The following SEMA6D variants were observed in gnomAD, a reference collection of about 807,000 sequenced individuals.
SEMA6D encodes the protein semaphorin 6D.
In SEMA6D, 35 loss-of-function variants were observed where a neutral mutation model predicts 106.6. That is an observed-to-expected ratio of 0.33 (90% CI 0.25 to 0.44). SEMA6D has a LOEUF of 0.44. Among genes scored for constraint, SEMA6D ranks in the 20% least tolerant of loss-of-function variants. The pLI is 1.00. For synonymous variants in SEMA6D, 499 were observed against 487.7 expected, an observed-to-expected ratio of 1.02 and a Z score of -0.31; for missense variants, 1,185 against 1,345.9, an observed-to-expected ratio of 0.88 and a Z score of 1.87.
At position 47,598,217 on chromosome 15, in the gene SEMA6D, A is replaced by C. The variant is rs751970182; in HGVS notation, c.-86-2648A>C. On this transcript the variant is annotated intron_variant, in intron 3 of 19. Coordinates refer to the SEMA6D transcript ENST00000558014. Reference sequence around the variant, plus strand: ...AACTGTATGTCTATTGGAAAAGGCCATTCCACACTCAAGGACTTCATGTCA... The same window carrying C: ...AACTGTATGTCTATTGGAAAAGGCCCTTCCACACTCAAGGACTTCATGTCA... Among the ~76,000 whole-genome samples, 34 of 152,098 alleles carry C rather than the reference A, an allele frequency of 2.2e-4. 1 individual carries two copies. Among genetic ancestry groups the C allele is most frequent in the Non-Finnish European group, 3.8e-4 (26 of 67,974 alleles).
Position 47,195,143 on chromosome 15 carries a change from T to C in SEMA6D, c.-239+10725T>C, listed in dbSNP as rs138108077. Among the ~76,000 whole-genome samples the C allele has an allele frequency of 9.3e-4, 142 of 152,302 alleles. 2 individuals are homozygous for C. Among genetic ancestry groups the C allele is most frequent in the African/African-American group, 3.2e-3 (131 of 41,548 alleles). On this transcript the variant is annotated intron_variant, in intron 1 of 19. Transcript: ENST00000558014. ...TTTAATATTCTAGAAACAAATGGCA[T>C]TTTTACTTTCCCTTGAGTGTTAAGT... is the stretch of plus-strand genomic sequence containing the variant.
intron 1 of SEMA6D, among the ~76,000 whole-genome samples, chr15:47,409,930 T>C (rs2433020): frequency 0.56 from 84,839 of 151,666 alleles, 24,012 homozygotes; most frequent in Middle Eastern, 0.69. Context: ...TCTTAGATTT[T>C]AGGCTAAAAG....
chr15:47,246,034 A>G (rs976896094), intron 1 of SEMA6D, among the ~76,000 whole-genome samples: 21 of 152,138 alleles, frequency 1.4e-4, no homozygotes, highest in African/African-American at 4.8e-4. Flanking sequence ...TTTCGGATAT[A>G]TGCTCCTCTC....
chr15:47,349,601 T>C (rs2038228800), intron 1 of SEMA6D, among the ~76,000 whole-genome samples: 1 of 152,128 alleles, frequency 6.6e-6, no homozygotes. Flanking sequence ...GGCTGTAGTA[T>C]AAATAAGGTG....
intron 4 of SEMA6D, among the ~76,000 whole-genome samples, chr15:47,633,244 C>T (rs992704457): frequency 7.9e-5 from 12 of 151,966 alleles, no homozygotes; most frequent in African/African-American, 2.7e-4. Context: ...AGTTTCCAAA[C>T]TTTCTTCTGT....
chr15:47,428,767 GA>G (rs201136586), intron 2 of SEMA6D, among the ~76,000 whole-genome samples: 10 of 147,568 alleles, frequency 6.8e-5, no homozygotes, highest in East Asian at 2.0e-4. Context: ...CTCTGTCAAG[GA>G]AAAAAAAAAG....
intron 3 of SEMA6D, among the ~76,000 whole-genome samples, chr15:47,539,583 C>G (rs901972007): frequency 6.6e-6 from 1 of 152,084 alleles, no homozygotes; most frequent in Non-Finnish European, 1.5e-5. Context: ...CACCACCACA[C>G]CCGGCTAATT....
chr15:47,284,775 G>A (rs1035113839), intron 1 of SEMA6D, among the ~76,000 whole-genome samples: 2 of 152,134 alleles, frequency 1.3e-5, no homozygotes, highest in Non-Finnish European at 2.9e-5. Context: ...TAACAACCGT[G>A]ATTTCCTTTA....
chr15:47,700,121 TAAATC>T (rs1566997189), intron 4 of SEMA6D, among the ~76,000 whole-genome samples: 1 of 135,958 alleles, frequency 7.4e-6, no homozygotes, highest in Non-Finnish European at 1.6e-5. Flanking sequence ...TTTATTGAAA[TAAATC>T]AAAAAGGAAC....
chr15:47,343,487 A>G (rs1052691335), intron 1 of SEMA6D, among the ~76,000 whole-genome samples: 45 of 148,900 alleles, frequency 3.0e-4, no homozygotes, highest in Admixed American at 2.0e-4. Context: ...ATTCCCATCT[A>G]TGAGTGAGAA....
At chr15:47,723,814 G>A (rs2079564941) in intron 1 of SEMA6D, among the ~76,000 whole-genome samples, 1 of 152,066 alleles carries the variant, frequency 6.6e-6, no homozygotes, top group Admixed American at 6.5e-5. Flanking sequence ...TTTACAGGAA[G>A]GAATATGGGT....
At chr15:47,506,599 A>AACACACACACACACACACAC (rs61155774) in intron 3 of SEMA6D, among the ~76,000 whole-genome samples, 5 of 137,894 alleles carry the variant, frequency 3.6e-5, no homozygotes, top group African/African-American at 1.4e-4. Flanking sequence ...CACACACACA[A>AACACACACACACACACACAC]ACACACACAC....
At chr15:47,750,645 C>G (rs2081379275) in intron 1 of SEMA6D, among the ~76,000 whole-genome samples, 1 of 152,208 alleles carries the variant, frequency 6.6e-6, no homozygotes. Flanking sequence ...AGTCACAGAG[C>G]TGCTTCATTT....
intron 3 of SEMA6D, among the ~76,000 whole-genome samples, chr15:47,559,817 T>G (rs967439778): frequency 2.0e-5 from 3 of 152,016 alleles, no homozygotes; most frequent in African/African-American, 7.2e-5. Context: ...ATAGGACAAA[T>G]GAGAATGGCC....
At chr15:47,378,490 T>G (rs2039525658) in intron 1 of SEMA6D, among the ~76,000 whole-genome samples, 1 of 152,166 alleles carries the variant, frequency 6.6e-6, no homozygotes, top group Non-Finnish European at 1.5e-5. Flanking sequence ...AACCAGACCC[T>G]GTCTCAAAAA....
intron 1 of SEMA6D, among the ~76,000 whole-genome samples, chr15:47,754,568 T>A (rs1390972358): frequency 6.6e-6 from 1 of 152,220 alleles, no homozygotes; most frequent in Non-Finnish European, 1.5e-5. Context: ...TAATATTTTT[T>A]AAAATTTTCC....
chr15:47,750,676 G>T (rs942877104), intron 1 of SEMA6D, among the ~76,000 whole-genome samples: 5 of 152,210 alleles, frequency 3.3e-5, no homozygotes, highest in African/African-American at 1.2e-4. Context: ...CCATGGGGCA[G>T]AGTTTTAGAC....
At chr15:47,281,624 C>T (rs946180108) in intron 1 of SEMA6D, among the ~76,000 whole-genome samples, 2 of 152,116 alleles carry the variant, frequency 1.3e-5, no homozygotes, top group African/African-American at 2.4e-5. Flanking sequence ...TTCCTAGTCT[C>T]AATGGTCTTT....
intron 1 of SEMA6D, among the ~76,000 whole-genome samples, chr15:47,348,919 T>C (rs2038198204): frequency 6.6e-6 from 1 of 152,040 alleles, no homozygotes; most frequent in East Asian, 1.9e-4. Flanking sequence ...GGAAACAACA[T>C]GATTACAGAA....
Sources: gnomAD v4.1 joint callset for allele counts (sites outside exome capture counted in the v4.1 genomes callset) on GRCh38, gnomAD v4.1.1 for gene constraint, MANE v1.5 for transcripts, NCBI Gene and HGNC (gene_info 2026-07-23, HGNC 2026-07-21) for gene names.